The following RIMBP2 variants were observed in gnomAD, a reference collection of about 807,000 sequenced individuals.
RIMBP2 encodes the protein RIMS binding protein 2.
In RIMBP2, 48 loss-of-function variants were observed where a neutral mutation model predicts 118.6. The ratio of observed to expected loss-of-function variants is 0.40; its 90% CI spans 0.32 to 0.51. The LOEUF (loss-of-function observed/expected upper bound fraction) is 0.51, where lower values mean the gene tolerates loss of function less well. Among genes scored for constraint, RIMBP2 ranks in the 20% least tolerant of loss-of-function variants. The pLI is 0.41. For synonymous variants in RIMBP2, 762 were observed against 742.9 expected, an observed-to-expected ratio of 1.03 and a Z score of -0.42; for missense variants, 1,551 against 1,768.3, an observed-to-expected ratio of 0.88 and a Z score of 2.20.
chr12:130,611,121 CG>C (rs1271535591), intron 2 of RIMBP2, among the ~76,000 whole-genome samples: 1 of 152,210 alleles, frequency 6.6e-6, no homozygotes, highest in Non-Finnish European at 1.5e-5. Flanking sequence ...CCGCCCAAAG[CG>C]GGCAGAGCCT....
chr12:130,484,524 CT>C (rs1212427951), intron 4 of RIMBP2, among the ~76,000 whole-genome samples: 1 of 152,374 alleles, frequency 6.6e-6, no homozygotes, highest in Non-Finnish European at 1.5e-5. Context: ...CCCTTGCCTG[CT>C]ATCTGCTCCT....
rs1023392573 is a variant in RIMBP2, at chr12:130,699,892, G to T, written c.-352+16330C>A. Among the ~76,000 whole-genome samples, 3 of 123,076 alleles carry T rather than the reference G, an allele frequency of 2.4e-5. No individual in the cohort carries two copies. The East Asian group carries it at 7.2e-4, about 29-fold the overall frequency. The allele number at this position is 123,076 out of a possible 152,430, so 80.7% of individuals were successfully genotyped here. Reference sequence around the variant, plus strand: ...TGCACTCCAGCCTGGGTGATGGTGTGAGACTCTGTCTTAAAAAAAAAAAAA... The same window carrying T: ...TGCACTCCAGCCTGGGTGATGGTGTTAGACTCTGTCTTAAAAAAAAAAAAA... On this transcript the variant is annotated intron_variant, in intron 1 of 22. Transcript: ENST00000690449.
rs1422387440 is a variant in RIMBP2, at chr12:130,546,334, C to T, written c.-216-28417G>A. 5.4e-5 allele frequency among the ~76,000 whole-genome samples: 8 copies of T among 148,006 alleles called. No homozygotes were observed. The East Asian group carries it at 1.2e-3, about 22-fold the overall frequency. ...TTTTTGAGACAGAATCTCGCTCTGT[C>T]GCCCAGGCTGGAGTGCAGTGGTGTG... On this transcript the variant is annotated intron_variant, in intron 2 of 22. Coordinates refer to ENST00000690449, the MANE Select transcript of RIMBP2 (RefSeq NM_001393629.1).
At chr12:130,532,002 TGCGTATGTTTAGCCTCTAGGAGGGAC>T (rs2053450196) in intron 2 of RIMBP2, among the ~76,000 whole-genome samples, 4 of 89,654 alleles carry the variant, frequency 4.5e-5, no homozygotes, top group African/African-American at 2.0e-4. Context: ...TCTAATGAGA[TGCGTATGTTTAGCCTCTAGGAGGGAC>T]GTCTAATGAG....
intron 2 of RIMBP2, among the ~76,000 whole-genome samples, chr12:130,574,625 T>C (rs1315382257): frequency 2.0e-5 from 3 of 152,104 alleles, no homozygotes; most frequent in East Asian, 3.9e-4. Flanking sequence ...GCTCCAGCCA[T>C]CTGCAGCACA....
At chr12:130,534,101 G>A (rs772562822) in intron 2 of RIMBP2, among the ~76,000 whole-genome samples, 4 of 151,002 alleles carry the variant, frequency 2.6e-5, no homozygotes, top group Non-Finnish European at 4.4e-5. Flanking sequence ...AGAAGGCAGA[G>A]GTTGCAGTGA....
rs867575906 is a variant in RIMBP2, at chr12:130,646,239, C to T, written c.-351-17783G>A. Among the ~76,000 whole-genome samples the T allele has an allele frequency of 4.9e-4, 32 of 65,172 alleles. 3 individuals are homozygous for T. The highest frequency in any genetic ancestry group is 7.4e-4 in the Admixed American group (5 of 6,798). The allele number at this position is 65,172 out of a possible 152,430, so 42.8% of individuals were successfully genotyped here. The stretch of plus-strand genomic sequence containing the variant: ...TCCACCTCCCTCACCACCTGCCTCT[C>T]CACCTCCCTCACCACTTCCCTCTCC... On this transcript the variant is annotated intron_variant, in intron 1 of 22. Transcript: ENST00000690449.
rs1289038753 is a variant in RIMBP2, at chr12:130,646,444, C to T, written c.-351-17988G>A. ...CCACTTCCCTCTCCACCTCCCTTGCCACCTCCCTCGCCACCTCCCTCGCTA... is the reference window on the plus strand; with the variant it reads ...CCACTTCCCTCTCCACCTCCCTTGCTACCTCCCTCGCCACCTCCCTCGCTA... On this transcript the variant is annotated intron_variant, in intron 1 of 22. Coordinates refer to ENST00000690449, the MANE Select transcript of RIMBP2 (RefSeq NM_001393629.1). Among the ~76,000 whole-genome samples, 4 of 115,154 alleles carry T rather than the reference C, an allele frequency of 3.5e-5. 1 individual carries two copies. The highest frequency in any genetic ancestry group is 3.4e-4 in the Admixed American group (3 of 8,894). The allele number at this position is 115,154 out of a possible 152,430, so 75.5% of individuals were successfully genotyped here. A position where few individuals can be genotyped will look rare whatever the true frequency, so the allele number is the denominator to read the frequency against.
intron 1 of RIMBP2, among the ~76,000 whole-genome samples, chr12:130,671,563 C>G (rs1002080884): frequency 2.0e-5 from 3 of 152,190 alleles, no homozygotes; most frequent in Non-Finnish European, 4.4e-5. Flanking sequence ...CTCCCCACCC[C>G]AAAGATTTGT....
intron 1 of RIMBP2, among the ~76,000 whole-genome samples, chr12:130,675,973 G>A (rs996623807): frequency 2.0e-5 from 3 of 152,234 alleles, no homozygotes; most frequent in Non-Finnish European, 4.4e-5. Flanking sequence ...GGGCTCTCAC[G>A]ATGGCATTAG....
chr12:130,550,216 T>A (rs1056133266), intron 2 of RIMBP2, among the ~76,000 whole-genome samples: 1 of 152,228 alleles, frequency 6.6e-6, no homozygotes. Flanking sequence ...CAACTGTGGC[T>A]TTTGTATGCT....
Position 130,441,447 on chromosome 12 carries a change from A to AATT in RIMBP2, c.1504+398_1504+400dup, listed in dbSNP as rs1555251246. ...TAATAATAATAATAATAATAATAAT[A>AATT]ATTTACAAGGACGAGAAAGAAGGAA... On this transcript the variant is annotated intron_variant, in intron 11 of 22. Coordinates refer to ENST00000690449, the MANE Select transcript of RIMBP2 (RefSeq NM_001393629.1). 3.6e-3 allele frequency among the ~76,000 whole-genome samples: 509 copies of AATT among 141,052 alleles called. 6 individuals are homozygous for AATT. Among genetic ancestry groups the AATT allele is most frequent in the African/African-American group, 0.012 (477 of 38,382 alleles). The allele number at this position is 141,052 out of a possible 152,430, so 92.5% of individuals were successfully genotyped here.
chr12:130,438,659 A>C (rs1389793546), intron 11 of RIMBP2, 143 bp from the exon 12 acceptor site: 2 of 653,816 alleles, frequency 3.1e-6, no homozygotes, highest in Admixed American at 3.4e-5. Flanking sequence ...TTGAAAGCAC[A>C]TCAGAAACTG....
chr12:130,685,253 T>A (rs2064987058), intron 1 of RIMBP2, among the ~76,000 whole-genome samples: 1 of 152,194 alleles, frequency 6.6e-6, no homozygotes, highest in African/African-American at 2.4e-5. Context: ...CCTCTCCGTC[T>A]CCAGATGGTG....
chr12:130,417,389 G>A (rs1353678122), intron 17 of RIMBP2, among the ~76,000 whole-genome samples: 1 of 152,250 alleles, frequency 6.6e-6, no homozygotes, highest in Non-Finnish European at 1.5e-5. Context: ...TATACCACAT[G>A]GAATGCTATG....
At chr12:130,534,863 C>T (rs1208771135) in intron 2 of RIMBP2, among the ~76,000 whole-genome samples, 1 of 152,248 alleles carries the variant, frequency 6.6e-6, no homozygotes, top group Non-Finnish European at 1.5e-5. Context: ...GAGTGTCTAT[C>T]TGTCTAGGAA....
intron 2 of RIMBP2, among the ~76,000 whole-genome samples, chr12:130,570,724 GTCATATAGGAC>G (rs1407593746): frequency 1.3e-5 from 2 of 152,158 alleles, no homozygotes; most frequent in Admixed American, 6.5e-5. Context: ...ACCACACACA[GTCATATAGGAC>G]TCTGACCCAA....
intron 22 of RIMBP2, chr12:130,398,518 T>C (rs2074238470): frequency 6.5e-6 from 1 of 152,688 alleles, no homozygotes; most frequent in Admixed American, 6.5e-5. Flanking sequence ...AACTTAGTAT[T>C]GCATTGGTAT....
chr12:130,483,515 C>T (rs1437960234), intron 4 of RIMBP2, among the ~76,000 whole-genome samples: 2 of 152,354 alleles, frequency 1.3e-5, no homozygotes, highest in African/African-American at 2.4e-5. Flanking sequence ...GGGGGCTGGC[C>T]TGTCGGCTGA....
Sources: gnomAD v4.1 joint callset for allele counts (sites outside exome capture counted in the v4.1 genomes callset) on GRCh38, gnomAD v4.1.1 for gene constraint, MANE v1.5 for transcripts, NCBI Gene and HGNC (gene_info 2026-07-23, HGNC 2026-07-21) for gene names.